ADGRA3: variants seen among roughly 807,000 people sequenced by gnomAD.
ADGRA3 encodes the protein G-protein coupled receptor 125.
ADGRA3 carries 56 observed loss-of-function variants against 119.8 expected under a neutral mutation model. The ratio of observed to expected loss-of-function variants is 0.47; its 90% CI spans 0.38 to 0.58. ADGRA3 has a LOEUF of 0.58. Among genes scored for constraint, ADGRA3 ranks in the 20% least tolerant of loss-of-function variants. ADGRA3 has a pLI of 0.00. For synonymous variants in ADGRA3, 607 were observed against 623.8 expected (o/e 0.97, Z 0.40); for missense variants, 1,516 against 1,649.0 (o/e 0.92, Z 1.40).
intron 7 of ADGRA3, among the ~76,000 whole-genome samples, chr4:22,440,440 C>G (rs10025779): frequency 0.091 from 13,883 of 152,094 alleles, 686 homozygotes; most frequent in South Asian, 0.1. Flanking sequence ...CTCAGATTAA[C>G]CAATGCAATA....
intron 1 of ADGRA3, among the ~76,000 whole-genome samples, chr4:22,493,957 C>A (rs1718719481): frequency 6.6e-6 from 1 of 152,124 alleles, no homozygotes; most frequent in Non-Finnish European, 1.5e-5. Context: ...ATAATCCCAG[C>A]ACTTTGGGAG....
chr4:22,447,608 T>C, intron 4 of ADGRA3, 97 bp from the exon 5 acceptor site: 1 of 692,658 alleles, frequency 1.4e-6, no homozygotes, highest in African/African-American at 1.9e-5. Flanking sequence ...CATTAAATAA[T>C]GTTGTAAAGA....
intron 16 of ADGRA3, among the ~76,000 whole-genome samples, chr4:22,396,161 G>A (rs1196797275): frequency 6.6e-6 from 1 of 152,122 alleles, no homozygotes; most frequent in African/African-American, 2.4e-5. Context: ...CTTGCACTTC[G>A]TCACTCAACT....
chr4:22,511,895 CTTTTTTTTTT>C (rs5856700), intron 1 of ADGRA3, among the ~76,000 whole-genome samples: 1 of 102,614 alleles, frequency 9.7e-6, no homozygotes, highest in Admixed American at 1.3e-4. Context: ...TTCTTTCTTT[CTTTTTTTTTT>C]TTTTTTTTTG....
intron 2 of ADGRA3, among the ~76,000 whole-genome samples, chr4:22,463,876 T>A (rs771551608): frequency 2.0e-5 from 3 of 152,220 alleles, no homozygotes; most frequent in Non-Finnish European, 2.9e-5. Context: ...CTATGTGTGC[T>A]GTTTAACACC....
intron 10 of ADGRA3, among the ~76,000 whole-genome samples, chr4:22,427,675 G>A (rs1254874447): frequency 6.6e-6 from 1 of 152,150 alleles, no homozygotes; most frequent in Non-Finnish European, 1.5e-5. Flanking sequence ...ATATGTCACA[G>A]TGGCAAAAAG....
intron 12 of ADGRA3, among the ~76,000 whole-genome samples, chr4:22,417,920 T>C (rs995968989): frequency 1.3e-5 from 2 of 152,188 alleles, no homozygotes; most frequent in South Asian, 2.1e-4. Flanking sequence ...GCTCTAGATG[T>C]CTGGGATGTG....
At chr4:22,479,379 C>A (rs11722097) in intron 1 of ADGRA3, among the ~76,000 whole-genome samples, 2 of 151,632 alleles carry the variant, frequency 1.3e-5, no homozygotes, top group Admixed American at 6.6e-5. Context: ...AGGGGAATGG[C>A]GTGAACCCGG....
At chr4:22,395,842 C>T (rs61796260) in intron 16 of ADGRA3, among the ~76,000 whole-genome samples, 4,232 of 152,222 alleles carry the variant, frequency 0.028, 133 homozygotes, top group African/African-American at 0.08. Flanking sequence ...AGACATAAAA[C>T]ATGCACAGTA....
chr4:22,472,457 G>A (rs1370020443), intron 2 of ADGRA3, among the ~76,000 whole-genome samples: 1 of 152,086 alleles, frequency 6.6e-6, no homozygotes, highest in African/African-American at 2.4e-5. Flanking sequence ...GCACATGGAC[G>A]ACATGGAACA....
At chr4:22,501,605 CCCA>C (rs1201780711) in intron 1 of ADGRA3, among the ~76,000 whole-genome samples, 2 of 152,034 alleles carry the variant, frequency 1.3e-5, no homozygotes. Context: ...CTGGGGACTC[CCCA>C]CGTTTCCTTT....
chr4:22,504,880 C>G lies in ADGRA3; in HGVS notation c.257+10648G>C, dbSNP rs550495007. On this transcript the variant is annotated intron_variant, in intron 1 of 18. Transcript: ENST00000334304. ...AAAAATACCAATGTCCAGGCCCCATCCCTGAACAATACATCAGAACATGAA... is the reference window on the plus strand; with the variant it reads ...AAAAATACCAATGTCCAGGCCCCATGCCTGAACAATACATCAGAACATGAA... Among the ~76,000 whole-genome samples the G allele has an allele frequency of 3.3e-5, 5 of 152,262 alleles. No homozygotes were observed. The South Asian group carries it at 1.0e-3, about 32-fold the overall frequency.
chr4:22,490,290 A>G (rs1718578421), intron 1 of ADGRA3, among the ~76,000 whole-genome samples: 1 of 152,250 alleles, frequency 6.6e-6, no homozygotes, highest in Non-Finnish European at 1.5e-5. Flanking sequence ...TCTTATGAAC[A>G]CATTAGCTGC....
rs1443488541 is a variant in ADGRA3, at chr4:22,413,707, A to G, written c.1917T>C (p.Ile639=). The G allele has an allele frequency of 3.1e-6, 5 of 1,613,864 alleles. No homozygotes were observed. Among genetic ancestry groups the G allele is most frequent in the African/African-American group, 1.3e-5 (1 of 74,924 alleles). ...GAAAAAGCTTTCCATTGCGGAATGCAATGAGTTGAAGCTTGTAAAGAGAGT... is the reference window on the plus strand; with the variant it reads ...GAAAAAGCTTTCCATTGCGGAATGCGATGAGTTGAAGCTTGTAAAGAGAGT... ...TDDSLYKLQL[I]AFRNGKLFPA... is the part of the protein sequence containing the mutation. Residue 639 remains isoleucine, a synonymous_variant, in exon 13 of 19, where the codon ATT becomes ATC. Transcript: ENST00000334304.
At chr4:22,443,961 G>A (rs950446120) in intron 6 of ADGRA3, among the ~76,000 whole-genome samples, 3 of 152,062 alleles carry the variant, frequency 2.0e-5, no homozygotes, top group Admixed American at 6.6e-5. Flanking sequence ...ACTAAACTGG[G>A]ACCTCCCCCC....
intron 10 of ADGRA3, among the ~76,000 whole-genome samples, chr4:22,429,694 C>A (rs10007873): frequency 0.09 from 13,671 of 152,174 alleles, 695 homozygotes; most frequent in South Asian, 0.1. Context: ...ACAAGTTGAC[C>A]TTCAAACAGG....
At chr4:22,409,688 C>CT (rs1205615599) in intron 14 of ADGRA3, among the ~76,000 whole-genome samples, 3 of 152,174 alleles carry the variant, frequency 2.0e-5, no homozygotes, top group African/African-American at 7.2e-5. Context: ...CCATCCTCTT[C>CT]TTTAAGATAC....
At chr4:22,475,460 C>T (rs1478722612) in intron 1 of ADGRA3, among the ~76,000 whole-genome samples, 1 of 152,074 alleles carries the variant, frequency 6.6e-6, no homozygotes. Flanking sequence ...AGGCCGGGGG[C>T]GGCGGCTCAC....
rs151265183 is a variant in ADGRA3 at position 22,413,296 on chromosome 4, G to A, written c.2118C>T (p.Phe706=). ...AGCCTCCTTGTCCGTTCAGCAAATC[G>A]AAATCCCACCGGGCTGCAACAGCAT... The part of the protein sequence containing the change: ...GADAVAARWD[F]DLLNGQGGWK... The change falls in exon 14 of 19, where the codon TTC becomes TTT. Residue 706 remains phenylalanine (F), a synonymous_variant. Transcript: ENST00000334304. 5.2e-5 allele frequency: 84 copies of A among 1,614,008 alleles called. No homozygotes were observed. In the African/African-American group the frequency reaches 6.1e-4, roughly 12 times the overall value.
Sources: allele counts gnomAD v4.1 joint callset (sites outside exome capture counted in the v4.1 genomes callset), GRCh38; gene constraint gnomAD v4.1.1; transcripts MANE v1.5; gene names NCBI Gene and HGNC (gene_info 2026-07-23, HGNC 2026-07-21).